SCGB2B2: variants seen among roughly 807,000 people sequenced by gnomAD.
The protein encoded by SCGB2B2 is secretoglobin family 2B member 2, also known as secretoglobin-like protein.
A neutral mutation model predicts 7.6 loss-of-function variants in SCGB2B2; 11 were observed. The observed-to-expected ratio is 1.45, with a 90% CI of 0.91 to 2.40. The LOEUF (loss-of-function observed/expected upper bound fraction) is 2.40. Ranked by LOEUF, SCGB2B2 falls within the 30% of genes most tolerant of loss-of-function variation. The probability of loss-of-function intolerance (pLI) is 0.00; values close to 1 mark genes in which losing one functional copy is unlikely to be tolerated. For missense variants in SCGB2B2, 104 were observed against 115.4 expected, an observed-to-expected ratio of 0.90 and a Z score of 0.45; for synonymous variants, 50 against 48.6, an observed-to-expected ratio of 1.03 and a Z score of -0.12.
chr19:34,664,859 T>TCC (rs1384132264), intron 1 of SCGB2B2, among the ~76,000 whole-genome samples: 11 of 151,546 alleles, frequency 7.3e-5, no homozygotes, highest in Non-Finnish European at 1.6e-4. Context: ...GAGCTGTATC[T>TCC]CCCTCCCAAC....
chr19:34,627,428 T>C (rs984020648), intron 1 of SCGB2B2, among the ~76,000 whole-genome samples: 1 of 149,302 alleles, frequency 6.7e-6, no homozygotes, highest in African/African-American at 2.6e-5. Flanking sequence ...GCCAAGCAAA[T>C]GGAAAACAAA....
At position 34,623,921 on chromosome 19, in the gene SCGB2B2, G is replaced by A. The variant is rs1018088571; in HGVS notation, c.-2031-27327C>T. Among the ~76,000 whole-genome samples, 3 of 152,130 alleles carry A rather than the reference G, an allele frequency of 2.0e-5. No homozygotes were observed. The East Asian group carries it at 5.8e-4, about 29-fold the overall frequency. On this transcript the variant is annotated intron_variant, in intron 1 of 3. Transcript: ENST00000601241. Reference sequence around the variant, plus strand: ...CTGAGCCTAGAATTTGTCTCTCAAGGGCAGCTTCCTCCTGACTATTGAAAG... The same window carrying A: ...CTGAGCCTAGAATTTGTCTCTCAAGAGCAGCTTCCTCCTGACTATTGAAAG...
intron 1 of SCGB2B2, among the ~76,000 whole-genome samples, chr19:34,612,681 C>T (rs150155155): frequency 9.4e-4 from 143 of 152,270 alleles, no homozygotes; most frequent in Admixed American, 2.4e-3. Flanking sequence ...TTTGATCTAA[C>T]GTGCAGCATA....
intron 1 of SCGB2B2, among the ~76,000 whole-genome samples, chr19:34,598,702 C>T (rs1268636833): frequency 2.0e-5 from 3 of 151,396 alleles, no homozygotes; most frequent in Admixed American, 6.6e-5. Context: ...TGCTGTGATG[C>T]AGGAATCACT....
At position 34,592,732 on chromosome 19, in the gene SCGB2B2, C is replaced by A. The variant is rs951970738; in HGVS notation, c.*823G>T. Among the ~76,000 whole-genome samples the A allele has an allele frequency of 2.0e-5, 3 of 152,156 alleles. No individual in the cohort carries two copies. The highest frequency in any genetic ancestry group is 4.4e-5 in the Non-Finnish European group (3 of 68,030). On this transcript the variant is annotated 3_prime_UTR_variant, in exon 4 of 4. Coordinates refer to ENST00000601241, the MANE Select transcript of SCGB2B2 (RefSeq NM_001025591.4). ...GAGGGTGGCACTCGTTCCCTGTGACCTCAATGTCAATGTCCCCTGTCATGG... is the reference window on the plus strand; with the variant it reads ...GAGGGTGGCACTCGTTCCCTGTGACATCAATGTCAATGTCCCCTGTCATGG...
chr19:34,661,762 G>C (rs1291851901), intron 1 of SCGB2B2, among the ~76,000 whole-genome samples: 2 of 152,082 alleles, frequency 1.3e-5, no homozygotes, highest in African/African-American at 2.4e-5. Flanking sequence ...ATGCAGCCCA[G>C]GACAGCTTTG....
At chr19:34,631,580 A>C (rs2066536605) in intron 1 of SCGB2B2, among the ~76,000 whole-genome samples, 1 of 12,804 alleles carries the variant, frequency 7.8e-5, no homozygotes, top group South Asian at 3.8e-3. Flanking sequence ...GGATATATAC[A>C]CTGAAACTAT....
At chr19:34,610,255 C>T (rs1210161221) in intron 1 of SCGB2B2, among the ~76,000 whole-genome samples, 1 of 152,002 alleles carries the variant, frequency 6.6e-6, no homozygotes, top group East Asian at 1.9e-4. Context: ...CATCTGCAAG[C>T]AGAGACCATT....
Position 34,592,428 on chromosome 19 carries a change from C to T in SCGB2B2, c.*1127G>A, listed in dbSNP as rs143106206. Among the ~76,000 whole-genome samples, 41 of 152,040 alleles carry T rather than the reference C, an allele frequency of 2.7e-4. No individual in the cohort carries two copies. Among genetic ancestry groups the T allele is most frequent in the Non-Finnish European group, 4.9e-4 (33 of 67,970 alleles). ...GGGAGACTCAGAGGGATGGAGGTCT[C>T]GCTGACCTGAGCAGGAGGGAGGGAC... On this transcript the variant is annotated 3_prime_UTR_variant, in exon 4 of 4. Transcript: ENST00000601241.
chr19:34,658,813 C>CAAAAAAAAAAAAAAAAAAAAAAA (rs138363297), intron 1 of SCGB2B2, among the ~76,000 whole-genome samples: 1 of 102,004 alleles, frequency 9.8e-6, no homozygotes, highest in East Asian at 3.5e-4. Context: ...ACAACAACAA[C>CAAAAAAAAAAAAAAAAAAAAAAA]AAAAAAAAAA....
rs370923211 is a variant in SCGB2B2, at chr19:34,593,609, AAAG to A, written c.247-13_247-11del. The A allele has an allele frequency of 1.9e-6, 3 of 1,551,346 alleles. No homozygotes were observed. The highest frequency in any genetic ancestry group is 2.7e-5 in the African/African-American group (2 of 73,070). The stretch of plus-strand genomic sequence containing the variant: ...TCTGAAGGATCTTCTTCTGTTGGAA[AAAG>A]AAGAAAGAGAGGAGCCGGTGGCCTC... On this transcript the variant is annotated splice_polypyrimidine_tract_variant and intron_variant, in intron 3 of 3. Transcript: ENST00000601241.
chr19:34,668,399 C>G (rs1434142284), intron 1 of SCGB2B2, among the ~76,000 whole-genome samples: 1 of 152,220 alleles, frequency 6.6e-6, no homozygotes, highest in Non-Finnish European at 1.5e-5. Context: ...GGGCAGGGCT[C>G]GGTACCTGCA....
At chr19:34,654,416 A>T (rs559197940) in intron 1 of SCGB2B2, among the ~76,000 whole-genome samples, 1 of 151,422 alleles carries the variant, frequency 6.6e-6, no homozygotes, top group African/African-American at 2.5e-5. Context: ...AAAAGTTACA[A>T]ATTATACACT....
chr19:34,597,226 A>G (rs769023287), intron 1 of SCGB2B2, among the ~76,000 whole-genome samples: 32 of 151,914 alleles, frequency 2.1e-4, no homozygotes, highest in Non-Finnish European at 4.1e-4. Context: ...CATCCATCCC[A>G]CCCACCACAC....
chr19:34,622,306 C>T (rs997987773), intron 1 of SCGB2B2, among the ~76,000 whole-genome samples: 5 of 152,312 alleles, frequency 3.3e-5, no homozygotes, highest in Non-Finnish European at 7.4e-5. Context: ...GTGCTTTAAG[C>T]AAGGCTTGTT....
intron 1 of SCGB2B2, among the ~76,000 whole-genome samples, chr19:34,616,266 T>A (rs937403364): frequency 1.3e-5 from 2 of 149,370 alleles, no homozygotes; most frequent in Non-Finnish European, 1.5e-5. Flanking sequence ...ATGGCCACAC[T>A]GACTTACACA....
At chr19:34,636,829 C>T (rs2066693557) in intron 1 of SCGB2B2, among the ~76,000 whole-genome samples, 1 of 152,158 alleles carries the variant, frequency 6.6e-6, no homozygotes, top group Non-Finnish European at 1.5e-5. Flanking sequence ...TCCCACTTAC[C>T]AGAGCCAGTC....
intron 1 of SCGB2B2, among the ~76,000 whole-genome samples, chr19:34,671,401 T>C (rs1186448431): frequency 6.6e-6 from 1 of 152,196 alleles, no homozygotes; most frequent in Non-Finnish European, 1.5e-5. Context: ...TAATATGTCT[T>C]TAAATCAGGC....
chr19:34,623,095 G>C (rs894452875), intron 1 of SCGB2B2, among the ~76,000 whole-genome samples: 1 of 152,016 alleles, frequency 6.6e-6, no homozygotes, highest in African/African-American at 2.4e-5. Flanking sequence ...CTCCCAATTG[G>C]ATAAGGCTCT....
Sources: allele counts gnomAD v4.1 joint callset (sites outside exome capture counted in the v4.1 genomes callset), GRCh38; gene constraint gnomAD v4.1.1; transcripts MANE v1.5; gene names NCBI Gene and HGNC (gene_info 2026-07-23, HGNC 2026-07-21).